The following MZB1 variants were observed in gnomAD, a reference collection of about 807,000 sequenced individuals.
MZB1 encodes marginal zone B- and B1-cell-specific protein.
A neutral mutation model predicts 17.2 loss-of-function variants in MZB1; 10 were observed. That is an observed-to-expected ratio of 0.58 (90% confidence interval 0.36 to 0.98). The LOEUF is 0.98. Ranked by LOEUF, MZB1 falls within the 50% of genes least tolerant of loss-of-function variation. The probability of loss-of-function intolerance (pLI) is 0.01; values close to 1 mark genes in which losing one functional copy is unlikely to be tolerated. For missense variants in MZB1, 246 were observed against 237.5 expected (o/e 1.04, Z -0.23); for synonymous variants, 99 against 98.7 (o/e 1.00, Z -0.02).
rs1392286928 is a variant in MZB1 at position 139,388,472 on chromosome 5, C to G, written c.291G>C (p.Arg97=). 1 of 1,604,246 alleles carries G rather than the reference C, an allele frequency of 6.2e-7. No homozygotes were observed. The highest frequency in any genetic ancestry group is 1.1e-5 in the South Asian group (1 of 88,992). The stretch of plus-strand genomic sequence containing the variant: ...GATTGGCAACTCACTCCTGCCAGTT[C>G]CGGGAGCAGCTCCGGTCCAGGACAT... ...YTDVLDRSCS[R]NWQDYGVREV... The change falls in exon 2 of 4, where the codon CGG becomes CGC. Residue 97 remains arginine (R), a synonymous_variant. Transcript: ENST00000302125.
In MZB1 at chr5:139,389,727, T is replaced by C. The variant is rs1266057927; in HGVS notation, c.130A>G (p.Met44Val). ...LDDEEMYSAHMPAHLRCDACR... is the reference protein window; with the variant it reads ...LDDEEMYSAHVPAHLRCDACR... ...GCATCACAGCGCAGGTGAGCGGGCATGTGGGCTGAGTACATCTCCTCATCA... is the reference window on the plus strand; with the variant it reads ...GCATCACAGCGCAGGTGAGCGGGCACGTGGGCTGAGTACATCTCCTCATCA... The change falls in exon 1 of 4, where the codon ATG becomes GTG. Residue 44 changes from methionine (M) to valine (V), a missense_variant. Physicochemically the swap from Met to Val is conservative, Grantham distance 21. Transcript: ENST00000302125. 3 of 1,578,010 alleles carry C rather than the reference T, an allele frequency of 1.9e-6. No homozygotes were observed. The highest frequency in any genetic ancestry group is 3.7e-5 in the Admixed American group (2 of 54,236).
chr5:139,388,438 G>T (rs370566662), intron 2 of MZB1, 23 bp downstream of exon 2: 1 of 990 alleles, frequency 1.0e-3, no homozygotes, highest in African/African-American at 0.011. Context: ...GGAGGGAGGT[G>T]GGGGGCAGGA....
Position 139,387,883 on chromosome 5 carries a change from C to G in MZB1, c.452G>C (p.Gly151Ala), listed in dbSNP as rs2152075760. Residue 151 changes from glycine to alanine, a missense_variant, in exon 4 of 4, where the codon GGA becomes GCA. Gly to Ala is a moderately conservative substitution (Grantham distance 60). Transcript: ENST00000302125. ...GTGGGCTTCATAGATCTGGTCTTCTCCAAACTCCCCCAAGTAGTGCAAACA... is the reference window on the plus strand; with the variant it reads ...GTGGGCTTCATAGATCTGGTCTTCTGCAAACTCCCCCAAGTAGTGCAAACA... ...RTCLHYLGEF[G>A]EDQIYEAHQQ... 1 of 1,598,838 alleles carries G rather than the reference C, an allele frequency of 6.3e-7. No individual in the cohort carries two copies. The highest frequency in any genetic ancestry group is 2.2e-5 in the East Asian group (1 of 44,822).
chr5:139,389,781 G>T lies in MZB1; in HGVS notation c.76C>A (p.Pro26Thr). 6.4e-7 allele frequency: 1 copy of T among 1,552,910 alleles called. No homozygotes were observed. Among genetic ancestry groups the T allele is most frequent in the South Asian group, 1.2e-5 (1 of 84,126 alleles). The stretch of plus-strand genomic sequence containing the variant: ...AGTTGTGGGGCTGTGGCTGTGAGTG[G>T]CGCCCTGTCCCCGAGGCCCCCTGGG... ...AIPGGLGDRA[P>T]LTATAPQLDD... The change falls in exon 1 of 4, where the codon CCA (proline) becomes ACA (threonine). Residue 26 changes from proline (P) to threonine (T), a missense_variant. By Grantham distance (38) the Pro-to-Thr change is conservative. Transcript: ENST00000302125.
chr5:139,389,907 T>G lies in MZB1; in HGVS notation c.-51A>C. ...GTAGTCTGTGGTTGAGGTGCAGATG[T>G]GTGTGTGCTTGTGTGGTGTGGGGAC... is the stretch of plus-strand genomic sequence containing the variant. On this transcript the variant is annotated 5_prime_UTR_variant, in exon 1 of 4. Transcript: ENST00000302125. 6.6e-7 allele frequency: 1 copy of G among 1,510,464 alleles called. No individual in the cohort carries two copies. The highest frequency in any genetic ancestry group is 1.3e-5 in the South Asian group (1 of 79,326). 93.6% of individuals were successfully genotyped at this position (1,510,464 alleles called of 1,614,324 possible).
chr5:139,387,814 G>A lies in MZB1; in HGVS notation c.521C>T (p.Pro174Leu), dbSNP rs1359630703. Residue 174 changes from proline (P) to leucine (L), a missense_variant, in exon 4 of 4, where the codon CCC becomes CTC. By Grantham distance (98) the Pro-to-Leu change is moderately conservative. Transcript: ENST00000302125. ...CACCTTCTCTGAGCAGGCCCCCTGG[G>A]GTCCCCCACATAGCAATGCCTCCAG... ...GALEALLCGG[P>L]QGACSEKVSA... is the part of the protein sequence containing the mutation. 1.1e-5 allele frequency: 17 copies of A among 1,588,228 alleles called. No individual in the cohort carries two copies. The highest frequency in any genetic ancestry group is 1.3e-5 in the Non-Finnish European group (15 of 1,170,640).
In MZB1 at chr5:139,389,857, G is replaced by A. The variant is rs1204568112; in HGVS notation, c.-1C>T. On this transcript the variant is annotated 5_prime_UTR_variant, in exon 1 of 4. Transcript: ENST00000302125. Reference sequence around the variant, plus strand: ...GCAGCAGTGGCAGTGACAGCCTCATGGCCCCAGGAGCCAGTTCAGCAAGTG... The same window carrying A: ...GCAGCAGTGGCAGTGACAGCCTCATAGCCCCAGGAGCCAGTTCAGCAAGTG... 3 of 1,543,380 alleles carry A rather than the reference G, an allele frequency of 1.9e-6. No individual in the cohort carries two copies. The highest frequency in any genetic ancestry group is 4.9e-5 in the East Asian group (2 of 40,930).
rs954299112 is a variant in MZB1 at position 139,387,559 on chromosome 5, G to A, written c.*206C>T. ...CAGCCCCACAAGCACCTTTTGCAGA[G>A]AAAAGAAGTGAGGTCACTGGGTTTT... On this transcript the variant is annotated 3_prime_UTR_variant, in exon 4 of 4. Transcript: ENST00000302125. The A allele has an allele frequency of 7.1e-5, 31 of 436,020 alleles. No homozygotes were observed. Among genetic ancestry groups the A allele is most frequent in the African/African-American group, 5.9e-4 (29 of 49,008 alleles). The allele number at this position is 436,020 out of a possible 1,614,324, so 27.0% of individuals were successfully genotyped here.
chr5:139,388,267 G>C, intron 2 of MZB1, 136 bp from the exon 3 acceptor site: 1 of 1,065,250 alleles, frequency 9.4e-7, no homozygotes. Context: ...AAGGTCACAA[G>C]GTGACCTTGT....
At chr5:139,388,801 G>T in intron 1 of MZB1, 1 of 675,626 alleles carries the variant, frequency 1.5e-6, no homozygotes, top group Non-Finnish European at 2.3e-6. Context: ...GAAGTGGTAG[G>T]TGAGGCCTGG....
At chr5:139,388,640 G>T in intron 1 of MZB1, 55 bp from the exon 2 acceptor site, 1 of 1,584,210 alleles carries the variant, frequency 6.3e-7, no homozygotes, top group Non-Finnish European at 8.6e-7. Context: ...TCAGTTAGGG[G>T]GAGGTGGGGA....
rs781136668 is a variant in MZB1 at position 139,388,493 on chromosome 5, G to GA, written c.269dup (p.Leu91ProfsTer29). ...AGTTCCGGGAGCAGCTCCGGTCCAGGACATCCGTGTAGACCAACTCGCTCA... is the reference window on the plus strand; with the variant it reads ...AGTTCCGGGAGCAGCTCCGGTCCAGGAACATCCGTGTAGACCAACTCGCTCA... On this transcript the variant is annotated frameshift_variant, in exon 2 of 4. Transcript: ENST00000302125. LOFTEE classifies it high-confidence loss of function. 62 of 1,605,748 alleles carry GA rather than the reference G, an allele frequency of 3.9e-5. No homozygotes were observed. The Middle Eastern group carries it at 4.9e-4, about 13-fold the overall frequency.
chr5:139,387,991 T>G, intron 3 of MZB1, 30 bp downstream of exon 3: 1 of 1,573,116 alleles, frequency 6.4e-7, no homozygotes, highest in Non-Finnish European at 8.6e-7. Context: ...CTCCAGGAGC[T>G]TCATCCTATC....
intron 1 of MZB1, 32 bp downstream of exon 1, chr5:139,389,648 G>A (rs764413949): frequency 8.5e-5 from 133 of 1,570,694 alleles, no homozygotes; most frequent in Non-Finnish European, 1.1e-4. Flanking sequence ...AGGGGTGTGA[G>A]CAGGGCAGGG....
Position 139,387,479 on chromosome 5 carries a change from G to GC in MZB1, c.*285_*286insG, listed in dbSNP as rs1554162945. 4.2e-5 allele frequency: 8 copies of GC among 191,442 alleles called. No homozygotes were observed. The highest frequency in any genetic ancestry group is 8.2e-5 in the Non-Finnish European group (8 of 97,280). 11.9% of individuals were successfully genotyped at this position (191,442 alleles called of 1,614,324 possible). A position where few individuals can be genotyped will look rare whatever the true frequency, so the allele number is the denominator to read the frequency against. ...CAAAAAAAAAAAATTGATTTTGAGAGTTTTTTTTTTTTTTTCACAAGGGAC... is the reference window on the plus strand; with the variant it reads ...CAAAAAAAAAAAATTGATTTTGAGAGCTTTTTTTTTTTTTTTCACAAGGGAC... On this transcript the variant is annotated 3_prime_UTR_variant, in exon 4 of 4. Transcript: ENST00000302125.
At chr5:139,387,969 G>C in intron 3 of MZB1, 48 bp from the exon 4 acceptor site, 1 of 1,577,526 alleles carries the variant, frequency 6.3e-7, no homozygotes, top group East Asian at 2.3e-5. Flanking sequence ...CCCACAGTGG[G>C]GCAAACCAAG....
rs1209202627 is a variant in MZB1 at position 139,388,728 on chromosome 5, A to G, written c.178-143T>C. ...CAGGAAGCACCTGTGAGGCTGTTGC[A>G]TGGCCCCTCCCCCAGCCCCCAAAGC... On this transcript the variant is annotated intron_variant, in intron 1 of 3. Transcript: ENST00000302125. The G allele has an allele frequency of 2.3e-5, 31 of 1,357,180 alleles. No individual in the cohort carries two copies. The Admixed American group carries it at 7.0e-4, about 31-fold the overall frequency. 84.1% of individuals were successfully genotyped at this position (1,357,180 alleles called of 1,614,324 possible).
chr5:139,388,703 C>A, intron 1 of MZB1, 118 bp from the exon 2 acceptor site: 2 of 1,472,624 alleles, frequency 1.4e-6, no homozygotes, highest in South Asian at 2.7e-5. Flanking sequence ...GCCGTTTGAG[C>A]AGGAAGCACC....
intron 1 of MZB1, 161 bp downstream of exon 1, chr5:139,389,519 G>A: frequency 1.1e-6 from 1 of 919,868 alleles, no homozygotes; most frequent in Non-Finnish European, 1.7e-6. Context: ...AGGCAGATGG[G>A]TAAACTGAGG....
Sources: allele counts gnomAD v4.1 joint callset, GRCh38; gene constraint gnomAD v4.1.1; transcripts MANE v1.5; gene names NCBI Gene and HGNC (gene_info 2026-07-23, HGNC 2026-07-21).